Variants in GPC1 observed in about 807,000 individuals in gnomAD.
The protein encoded by GPC1 is glypican 1.
GPC1 carries 26 observed loss-of-function variants against 51.5 expected under a neutral mutation model. That is an observed-to-expected ratio of 0.50 (90% CI 0.37 to 0.70). The LOEUF (loss-of-function observed/expected upper bound fraction) is 0.70, where lower values mean the gene tolerates loss of function less well. GPC1 is among the 30% of genes least tolerant of loss of function. GPC1 has a pLI of 0.00. For synonymous variants in GPC1, 380 were observed against 348.3 expected, an observed-to-expected ratio of 1.09 and a Z score of -1.01; for missense variants, 775 against 800.5, an observed-to-expected ratio of 0.97 and a Z score of 0.38.
At chr2:240,450,485 A>G (rs2074087850) in intron 1 of GPC1, 1 of 424,384 alleles carries the variant, frequency 2.4e-6, no homozygotes, top group African/African-American at 2.0e-5. Context: ...TGTGTCAGCT[A>G]TGTCAGCGGG....
At position 240,465,527 on chromosome 2, in the gene GPC1, G is replaced by C. The variant is rs1020902257; in HGVS notation, c.1323G>C (p.Glu441Asp). ...TGGCCAACCAGATCAACAACCCCGA[G>C]GTGGAGGTGGACATCACCAAGCCGG... ...DGLANQINNP[E>D]VEVDITKPDM... The change falls in exon 8 of 9, where the codon GAG (glutamate) becomes GAC (aspartate). Residue 441 changes from glutamate (E) to aspartate (D), a missense_variant. Transcript: ENST00000264039. 3 of 1,613,062 alleles carry C rather than the reference G, an allele frequency of 1.9e-6. No homozygotes were observed. Among genetic ancestry groups the C allele is most frequent in the Non-Finnish European group, 2.5e-6 (3 of 1,180,008 alleles).
chr2:240,462,112 C>T (rs936656248), intron 2 of GPC1, 79 bp from the exon 3 acceptor site: 43 of 1,352,428 alleles, frequency 3.2e-5, no homozygotes, highest in Admixed American at 5.1e-5. Context: ...CTGAGTCTCC[C>T]GGGCTGAGTC....
intron 1 of GPC1, among the ~76,000 whole-genome samples, chr2:240,454,101 G>A (rs1559198519): frequency 6.6e-6 from 1 of 152,148 alleles, no homozygotes; most frequent in South Asian, 2.1e-4. Flanking sequence ...TGTGGGGAGG[G>A]GAGGGAAGCA....
chr2:240,453,227 C>G, intron 1 of GPC1: 1 of 184,334 alleles, frequency 5.4e-6, no homozygotes, highest in Non-Finnish European at 1.1e-5. Flanking sequence ...GTCCGTGGCC[C>G]GTCCCCAGTC....
chr2:240,464,871 G>T lies in GPC1; in HGVS notation c.1030G>T (p.Gly344Trp). The T allele has an allele frequency of 6.4e-7, 1 of 1,555,194 alleles. No individual in the cohort carries two copies. The highest frequency in any genetic ancestry group is 8.7e-7 in the Non-Finnish European group (1 of 1,148,960). Residue 344 changes from glycine (G) to tryptophan (W), a missense_variant, in exon 6 of 9, where the codon GGG becomes TGG. Coordinates refer to ENST00000264039, the MANE Select transcript of GPC1 (RefSeq NM_002081.3). ...GTCTCTCCAGGTCATCCAGGGCTGC[G>T]GGAACCCCAAGGTCAACCCCCAGGG... ...TLTAKVIQGC[G>W]NPKVNPQGPG...
chr2:240,437,061 G>T lies in GPC1; in HGVS notation c.166+977G>T, dbSNP rs1342223281. ...ACCTCGGTCTGTACCGCGTGCCAGG[G>T]ACCCAGTGGGCAAGAACAAAACAGA... On this transcript the variant is annotated intron_variant, in intron 1 of 8. Transcript: ENST00000264039. Among the ~76,000 whole-genome samples, 4 of 152,244 alleles carry T rather than the reference G, an allele frequency of 2.6e-5. No homozygotes were observed. In the South Asian group the frequency reaches 8.3e-4, roughly 31 times the overall value.
At chr2:240,465,756 C>T (rs903806374) in intron 8 of GPC1, 108 bp downstream of exon 8, 78 of 900,326 alleles carry the variant, frequency 8.7e-5, no homozygotes, top group Non-Finnish European at 1.3e-4. Flanking sequence ...TCTGCTCCGG[C>T]ATCACCACAG....
In GPC1 at chr2:240,459,140, A is replaced by T. The variant is rs2074195641; in HGVS notation, c.277A>T (p.Ser93Cys). The change falls in exon 2 of 9, where the codon AGC becomes TGC. Residue 93 changes from serine (S) to cysteine (C), a missense_variant. Physicochemically the swap from Ser to Cys is moderately radical, Grantham distance 112. Coordinates refer to ENST00000264039, the MANE Select transcript of GPC1 (RefSeq NM_002081.3). ...GCTGGAGACCGCGCTCCGGGACAGC[A>T]GCCGCGTCCTGCAGGCCATGCTTGC... ...AELETALRDS[S>C]RVLQAMLATQ... 6.2e-7 allele frequency: 1 copy of T among 1,612,604 alleles called. No individual in the cohort carries two copies. Among genetic ancestry groups the T allele is most frequent in the Non-Finnish European group, 8.5e-7 (1 of 1,179,884 alleles).
chr2:240,450,175 C>T (rs1438583728), intron 1 of GPC1: 3 of 336,432 alleles, frequency 8.9e-6, no homozygotes, highest in African/African-American at 4.3e-5. Context: ...CAGGGCTGGG[C>T]AGAAGCTCCA....
At chr2:240,452,886 GCCCTCGT>G (rs1256915371) in intron 1 of GPC1, 1 of 239,508 alleles carries the variant, frequency 4.2e-6, no homozygotes, top group Non-Finnish European at 8.3e-6. Context: ...ACCGCAGCCC[GCCCTCGT>G]CCCCCGCTGG....
Position 240,465,323 on chromosome 2 carries a change from C to T in GPC1, c.1268+113C>T, listed in dbSNP as rs553324430. The T allele has an allele frequency of 1.6e-4, 223 of 1,376,128 alleles. 3 individuals are homozygous for T. The African/African-American group carries it at 2.9e-3, about 18-fold the overall frequency. 85.2% of individuals were successfully genotyped at this position (1,376,128 alleles called of 1,614,324 possible). A position where few individuals can be genotyped will look rare whatever the true frequency, so the allele number is the denominator to read the frequency against. On this transcript the variant is annotated intron_variant, in intron 7 of 8. Coordinates refer to ENST00000264039, the MANE Select transcript of GPC1 (RefSeq NM_002081.3). The stretch of plus-strand genomic sequence containing the variant: ...ACGTCCCTTGCTGGAGGGCTTGAGC[C>T]CCACTTCTCTGCGGCCTGTGTGGGC...
intron 8 of GPC1, 98 bp downstream of exon 8, chr2:240,465,746 T>C (rs982816116): frequency 1.2e-5 from 12 of 981,844 alleles, no homozygotes; most frequent in Admixed American, 1.1e-4. Context: ...CGAGGGGCCC[T>C]CTGCTCCGGC....
At chr2:240,450,413 G>A (rs966448443) in intron 1 of GPC1, 57 of 355,774 alleles carry the variant, frequency 1.6e-4, no homozygotes, top group Non-Finnish European at 2.8e-4. Context: ...GCTGTTCCTC[G>A]TGCTGGGCCC....
intron 1 of GPC1, among the ~76,000 whole-genome samples, chr2:240,444,845 T>C (rs1322034115): frequency 6.6e-6 from 1 of 152,104 alleles, no homozygotes; most frequent in East Asian, 1.9e-4. Context: ...ATGTGTGACG[T>C]CCAAGTGTCT....
At chr2:240,441,801 C>A (rs571918438) in intron 1 of GPC1, among the ~76,000 whole-genome samples, 1 of 152,188 alleles carries the variant, frequency 6.6e-6, no homozygotes, top group Non-Finnish European at 1.5e-5. Context: ...GGGAAGCGGG[C>A]GGTTCTCCCT....
intron 1 of GPC1, among the ~76,000 whole-genome samples, chr2:240,447,019 C>G (rs1193553859): frequency 1.3e-5 from 2 of 152,144 alleles, no homozygotes; most frequent in Non-Finnish European, 2.9e-5. Context: ...GGAGCCCAGC[C>G]TGGCATGGCC....
intron 3 of GPC1, 128 bp downstream of exon 3, chr2:240,462,710 C>T (rs951397494): frequency 1.7e-5 from 14 of 801,028 alleles, no homozygotes; most frequent in Admixed American, 1.1e-4. Context: ...ACCTCAGCCC[C>T]ACAGCCTCAG....
rs769105121 is a variant in GPC1, at chr2:240,462,243, C to G, written c.378C>G (p.Phe126Leu). Residue 126 changes from phenylalanine (F) to leucine (L), a missense_variant, in exon 3 of 9, where the codon TTC becomes TTG. By Grantham distance (22) the Phe-to-Leu change is conservative. Coordinates refer to ENST00000264039, the MANE Select transcript of GPC1 (RefSeq NM_002081.3). ...CGGAGCGGACGCTGCAGGCCACCTT[C>G]CCCGGCGCCTTCGGAGAGCTGTACA... ...NDSERTLQAT[F>L]PGAFGELYTQ... 43 of 1,610,234 alleles carry G rather than the reference C, an allele frequency of 2.7e-5. No homozygotes were observed. Among genetic ancestry groups the G allele is most frequent in the Admixed American group, 6.7e-5 (4 of 59,864 alleles).
At chr2:240,443,107 C>G (rs963734368) in intron 1 of GPC1, among the ~76,000 whole-genome samples, 9 of 152,264 alleles carry the variant, frequency 5.9e-5, no homozygotes, top group Non-Finnish European at 1.3e-4. Flanking sequence ...TCTAGTGGTA[C>G]AGCAGTGGCT....
Sources: gnomAD v4.1 joint callset for allele counts (sites outside exome capture counted in the v4.1 genomes callset) on GRCh38, gnomAD v4.1.1 for gene constraint, MANE v1.5 for transcripts, NCBI Gene and HGNC (gene_info 2026-07-23, HGNC 2026-07-21) for gene names.